PKIA: variants seen among roughly 807,000 people sequenced by gnomAD.
The protein encoded by PKIA is PKI-alpha.
In PKIA, 4 loss-of-function variants were observed where a neutral mutation model predicts 7.6. The observed-to-expected ratio is 0.52, with a 90% CI of 0.26 to 1.20. The LOEUF is 1.20. PKIA is among the 50% of genes most tolerant of loss of function. The probability of loss-of-function intolerance (pLI) is 0.13; values close to 1 mark genes in which losing one functional copy is unlikely to be tolerated. For missense variants in PKIA, 73 were observed against 86.2 expected (o/e 0.85, Z 0.61); for synonymous variants, 21 against 30.7 (o/e 0.68, Z 1.04).
At chr8:78,535,104 TTAAATG>T (rs1404098088) in intron 1 of PKIA, 1 of 152,106 alleles carries the variant, frequency 6.6e-6, no homozygotes, top group Non-Finnish European at 1.5e-5. Flanking sequence ...AAAGCACTGT[TTAAATG>T]TAAAGAGCAG....
At chr8:78,574,526 G>T (rs1434156353) in intron 2 of PKIA, among the ~76,000 whole-genome samples, 1 of 151,792 alleles carries the variant, frequency 6.6e-6, no homozygotes, top group African/African-American at 2.4e-5. Context: ...CATTAAAGAA[G>T]GAAATGTAAA....
chr8:78,579,029 T>C (rs117740317), intron 2 of PKIA, among the ~76,000 whole-genome samples: 30 of 152,202 alleles, frequency 2.0e-4, no homozygotes, highest in Non-Finnish European at 3.5e-4. Context: ...CTCCATTTGC[T>C]CAAGCCAAAA....
intron 1 of PKIA, chr8:78,534,581 A>G (rs1201102691): frequency 6.6e-6 from 1 of 152,116 alleles, no homozygotes; most frequent in Non-Finnish European, 1.5e-5. Flanking sequence ...CTGATCACAT[A>G]TACTATTCCA....
At chr8:78,595,558 T>C (rs570888458) in intron 2 of PKIA, among the ~76,000 whole-genome samples, 2 of 152,292 alleles carry the variant, frequency 1.3e-5, no homozygotes, top group African/African-American at 4.8e-5. Flanking sequence ...TAGTACCCTA[T>C]AGTTTTTTGA....
Position 78,602,567 on chromosome 8 carries a change from TA to T in PKIA, c.*747del, listed in dbSNP as rs1402317072. The T allele has an allele frequency of 1.3e-5, 2 of 152,168 alleles. No homozygotes were observed. The highest frequency in any genetic ancestry group is 6.6e-5 in the Admixed American group (1 of 15,152). The allele number at this position is 152,168 out of a possible 1,614,324, so 9.4% of individuals were successfully genotyped here. A position where few individuals can be genotyped will look rare whatever the true frequency, so the allele number is the denominator to read the frequency against. Reference sequence around the variant, plus strand: ...ATTCATCAAGACTCCATTGCTTTATTATAGAGACATTTGAAAATATCCATTA... The same window carrying T: ...ATTCATCAAGACTCCATTGCTTTATTTAGAGACATTTGAAAATATCCATTA... On this transcript the variant is annotated 3_prime_UTR_variant, in exon 4 of 4. Coordinates refer to ENST00000396418, the MANE Select transcript of PKIA (RefSeq NM_006823.4).
At chr8:78,594,704 G>A (rs184129539) in intron 2 of PKIA, among the ~76,000 whole-genome samples, 20 of 152,314 alleles carry the variant, frequency 1.3e-4, no homozygotes, top group African/African-American at 4.6e-4. Flanking sequence ...TCTCCAACAT[G>A]TGTCATGTTA....
chr8:78,526,009 C>T (rs113903524), intron 1 of PKIA, among the ~76,000 whole-genome samples: 36 of 152,152 alleles, frequency 2.4e-4, no homozygotes, highest in African/African-American at 8.2e-4. Flanking sequence ...TAAAGGAGAA[C>T]TCAGTGAAGT....
chr8:78,569,463 C>G (rs186778419), intron 1 of PKIA, among the ~76,000 whole-genome samples: 2 of 152,216 alleles, frequency 1.3e-5, no homozygotes, highest in Non-Finnish European at 2.9e-5. Context: ...GTCAGCAAGG[C>G]CCAGTGGAAC....
intron 1 of PKIA, among the ~76,000 whole-genome samples, chr8:78,559,677 A>C (rs1446363743): frequency 2.6e-5 from 4 of 152,210 alleles, no homozygotes; most frequent in Non-Finnish European, 4.4e-5. Context: ...TCATTGATAC[A>C]GCCCCCTCAC....
At chr8:78,548,820 A>G (rs1447580070) in intron 1 of PKIA, among the ~76,000 whole-genome samples, 1 of 152,062 alleles carries the variant, frequency 6.6e-6, no homozygotes, top group African/African-American at 2.4e-5. Flanking sequence ...AGTTCCCACC[A>G]GTGACTCTAC....
In PKIA at chr8:78,602,676, G is replaced by A. The variant is rs1717600702; in HGVS notation, c.*855G>A. Reference sequence around the variant, plus strand: ...TGTCAAATTTGTTTTATTCTCAAGTGGAGAACTTCTCCCACATAATATATA... The same window carrying A: ...TGTCAAATTTGTTTTATTCTCAAGTAGAGAACTTCTCCCACATAATATATA... On this transcript the variant is annotated 3_prime_UTR_variant, in exon 4 of 4. Transcript: ENST00000396418. The A allele has an allele frequency of 1.5e-5, 2 of 136,774 alleles. No individual in the cohort carries two copies. Among genetic ancestry groups the A allele is most frequent in the African/African-American group, 5.8e-5 (2 of 34,514 alleles). The allele number at this position is 136,774 out of a possible 1,614,324, so 8.5% of individuals were successfully genotyped here.
chr8:78,586,933 C>T (rs913778102), intron 2 of PKIA, among the ~76,000 whole-genome samples: 1 of 152,140 alleles, frequency 6.6e-6, no homozygotes, highest in Non-Finnish European at 1.5e-5. Flanking sequence ...TCCATATACA[C>T]AGATGTGATA....
At chr8:78,574,170 T>G (rs7001778) in intron 2 of PKIA, among the ~76,000 whole-genome samples, 20,688 of 151,986 alleles carry the variant, frequency 0.14, 1,677 homozygotes, top group African/African-American at 0.22. Flanking sequence ...TTATGGGGTA[T>G]AGTGTGATGT....
At chr8:78,565,667 A>G (rs1452932656) in intron 1 of PKIA, among the ~76,000 whole-genome samples, 3 of 151,834 alleles carry the variant, frequency 2.0e-5, no homozygotes, top group African/African-American at 7.2e-5. Flanking sequence ...TCTTGTACCT[A>G]CATACACAAC....
chr8:78,594,492 C>T lies in PKIA; in HGVS notation c.-27-3866C>T, dbSNP rs151041734. ...GCCTTTGAGAAAGGCAAAATGGTAA[C>T]ACTTACTGCAGCATTTTGGATAGGT... On this transcript the variant is annotated intron_variant, in intron 2 of 3. Coordinates refer to ENST00000396418, the MANE Select transcript of PKIA (RefSeq NM_006823.4). 8.9e-3 allele frequency among the ~76,000 whole-genome samples: 1,357 copies of T among 152,174 alleles called. 15 individuals are homozygous for T. Among genetic ancestry groups the T allele is most frequent in the Non-Finnish European group, 0.013 (876 of 67,996 alleles).
intron 1 of PKIA, among the ~76,000 whole-genome samples, chr8:78,529,367 T>G (rs1469433792): frequency 6.6e-6 from 1 of 152,066 alleles, no homozygotes; most frequent in Non-Finnish European, 1.5e-5. Flanking sequence ...GGGCAACAAT[T>G]CTATAGTATT....
intron 1 of PKIA, among the ~76,000 whole-genome samples, chr8:78,523,287 G>A (rs975499519): frequency 6.6e-6 from 1 of 151,848 alleles, no homozygotes; most frequent in East Asian, 1.9e-4. Flanking sequence ...AGTTGATTGG[G>A]GTGGGGGGAA....
At chr8:78,594,962 A>G (rs1190390225) in intron 2 of PKIA, among the ~76,000 whole-genome samples, 3 of 152,174 alleles carry the variant, frequency 2.0e-5, no homozygotes, top group East Asian at 3.8e-4. Flanking sequence ...ATCCTTCCCA[A>G]AGAGAACAGC....
intron 1 of PKIA, among the ~76,000 whole-genome samples, chr8:78,551,920 T>C (rs946244796): frequency 1.9e-4 from 29 of 152,034 alleles, no homozygotes; most frequent in Non-Finnish European, 4.0e-4. Flanking sequence ...GCATTGAGAA[T>C]GCTGTTTAAC....
Sources: allele counts gnomAD v4.1 joint callset (sites outside exome capture counted in the v4.1 genomes callset), GRCh38; gene constraint gnomAD v4.1.1; transcripts MANE v1.5; gene names NCBI Gene and HGNC (gene_info 2026-07-23, HGNC 2026-07-21).